Variants in GRM1 observed in about 807,000 individuals in gnomAD.
The protein encoded by GRM1 is glutamate metabotropic receptor 1.
In GRM1, 33 loss-of-function variants were observed where a neutral mutation model predicts 90.9. That is an observed-to-expected ratio of 0.36 (90% CI 0.28 to 0.49). GRM1 has a LOEUF of 0.49. Among genes scored for constraint, GRM1 ranks in the 20% least tolerant of loss-of-function variants. The probability of loss-of-function intolerance (pLI) is 0.99; values close to 1 mark genes in which losing one functional copy is unlikely to be tolerated. For missense variants in GRM1, 1,190 were observed against 1,534.3 expected, an observed-to-expected ratio of 0.78 and a Z score of 3.75; for synonymous variants, 700 against 613.2, an observed-to-expected ratio of 1.14 and a Z score of -2.09.
rs1331092844 is a variant in GRM1 at position 146,434,426 on chromosome 6, C to T, written c.3215C>T (p.Pro1072Leu). 2 of 1,613,710 alleles carry T rather than the reference C, an allele frequency of 1.2e-6. No individual in the cohort carries two copies. Among genetic ancestry groups the T allele is most frequent in the Admixed American group, 1.7e-5 (1 of 60,024 alleles). ...TCCCTGTACCCGCCCCCGCCACCTCCGCAGCACCTGCAGATGCTGCCGCTG... is the reference window on the plus strand; with the variant it reads ...TCCCTGTACCCGCCCCCGCCACCTCTGCAGCACCTGCAGATGCTGCCGCTG... ...LRSLYPPPPP[P>L]QHLQMLPLQL... Residue 1072 changes from proline to leucine, a missense_variant, in exon 8 of 8, where the codon CCG (proline) becomes CTG (leucine). Transcript: ENST00000282753.
At position 146,304,479 on chromosome 6, in the gene GRM1, T is replaced by TTGATGGGTAGTAA. The variant is rs1441901359; in HGVS notation, c.951-129_951-117dup. ...TTTCTACTCTCTACCAAAAAAAAAGTTGATGGGTAGTAATGCTGGCTTAAA... is the reference window on the plus strand; with the variant it reads ...TTTCTACTCTCTACCAAAAAAAAAGTTGATGGGTAGTAATGATGGGTAGTAATGCTGGCTTAAA... On this transcript the variant is annotated intron_variant, in intron 2 of 7. Transcript: ENST00000282753. 3.4e-5 allele frequency: 25 copies of TTGATGGGTAGTAA among 725,400 alleles called. 1 individual carries two copies. Among genetic ancestry groups the TTGATGGGTAGTAA allele is most frequent in the Non-Finnish European group, 5.5e-5 (22 of 402,322 alleles). The allele number at this position is 725,400 out of a possible 1,614,324, so 44.9% of individuals were successfully genotyped here. A position where few individuals can be genotyped will look rare whatever the true frequency, so the allele number is the denominator to read the frequency against.
At chr6:146,109,091 A>AT (rs1201507746) in intron 1 of GRM1, among the ~76,000 whole-genome samples, 1 of 152,198 alleles carries the variant, frequency 6.6e-6, no homozygotes, top group Non-Finnish European at 1.5e-5. Context: ...AGAAAATTCC[A>AT]TTTTCTGAGG....
At chr6:146,268,663 A>G (rs1329758560) in intron 2 of GRM1, among the ~76,000 whole-genome samples, 1 of 152,202 alleles carries the variant, frequency 6.6e-6, no homozygotes, top group African/African-American at 2.4e-5. Flanking sequence ...ACCTCCTACA[A>G]TAGAACTTTT....
chr6:146,357,284 G>A (rs890272219), intron 4 of GRM1, among the ~76,000 whole-genome samples: 2 of 152,190 alleles, frequency 1.3e-5, no homozygotes, highest in African/African-American at 2.4e-5. Context: ...GATAAGCAGA[G>A]AGAAAAGTAC....
At chr6:146,262,240 A>G (rs1781721060) in intron 2 of GRM1, among the ~76,000 whole-genome samples, 1 of 152,074 alleles carries the variant, frequency 6.6e-6, no homozygotes, top group Admixed American at 6.6e-5. Context: ...ATGTGGAAGA[A>G]AGGTTAAAAA....
intron 2 of GRM1, among the ~76,000 whole-genome samples, chr6:146,250,271 T>C (rs764557527): frequency 6.6e-6 from 1 of 152,062 alleles, no homozygotes; most frequent in Non-Finnish European, 1.5e-5. Context: ...GGGCCAGGGG[T>C]AGAATAGTAT....
In GRM1 at chr6:146,029,602, C is replaced by G; in HGVS notation, c.85C>G (p.Leu29Val). 1 of 1,614,054 alleles carries G rather than the reference C, an allele frequency of 6.2e-7. No homozygotes were observed. ...LPRSPGRKVLLAGASSQRSVA... is the reference protein window; with the variant it reads ...LPRSPGRKVLVAGASSQRSVA... ...CAGAAGCCCCGGCAGGAAAGTGTTG[C>G]TGGCAGGAGCGTCGTCTCAGCGCTC... is the stretch of plus-strand genomic sequence containing the variant. Residue 29 changes from leucine (L) to valine (V), a missense_variant, in exon 1 of 8, where the codon CTG becomes GTG. Physicochemically the swap from Leu to Val is conservative, Grantham distance 32. Transcript: ENST00000282753.
In GRM1 at chr6:146,029,951, A is replaced by T. The variant is rs753758791; in HGVS notation, c.434A>T (p.Gln145Leu). 9 of 1,614,076 alleles carry T rather than the reference A, an allele frequency of 5.6e-6. No individual in the cohort carries two copies. The highest frequency in any genetic ancestry group is 6.8e-6 in the Non-Finnish European group (8 of 1,179,974). Residue 145 changes from glutamine to leucine, a missense_variant, in exon 1 of 8, where the codon CAG becomes CTG. Gln to Leu is a moderately radical substitution (Grantham distance 113, BLOSUM62 -2). Around this residue, in one of 10 missense-constraint regions of GRM1, gnomAD observed 91 missense variants for 95.6 expected, o/e 0.95. Coordinates refer to ENST00000282753, the MANE Select transcript of GRM1 (RefSeq NM_001278064.2). The stretch of plus-strand genomic sequence containing the variant: ...ATCAACCGGTGTCTGCCTGACGGCC[A>T]GTCCCTCCCCCCAGGCAGGACTAAG... ...DGINRCLPDG[Q>L]SLPPGRTKKP...
intron 1 of GRM1, among the ~76,000 whole-genome samples, chr6:146,130,642 C>T (rs979280637): frequency 6.6e-6 from 1 of 151,716 alleles, no homozygotes; most frequent in African/African-American, 2.4e-5. Flanking sequence ...GGTAAAACTC[C>T]AGAGAATCTT....
chr6:146,128,511 A>G (rs956024156), intron 1 of GRM1, among the ~76,000 whole-genome samples: 1 of 152,094 alleles, frequency 6.6e-6, no homozygotes, highest in African/African-American at 2.4e-5. Context: ...TGTGGAGTTG[A>G]GATTTGAACC....
intron 2 of GRM1, among the ~76,000 whole-genome samples, chr6:146,191,292 C>T (rs2114582223): frequency 6.6e-6 from 1 of 152,256 alleles, no homozygotes; most frequent in Non-Finnish European, 1.5e-5. Flanking sequence ...TTGTGGGTTC[C>T]TTGAGGGCAA....
chr6:146,368,002 G>T (rs567712650), intron 5 of GRM1, among the ~76,000 whole-genome samples: 6 of 151,984 alleles, frequency 3.9e-5, no homozygotes, highest in African/African-American at 7.2e-5. Context: ...CGTGAACATG[G>T]AATATCTTTT....
intron 5 of GRM1, among the ~76,000 whole-genome samples, chr6:146,362,208 AG>A (rs1222849909): frequency 6.6e-6 from 1 of 152,228 alleles, no homozygotes; most frequent in African/African-American, 2.4e-5. Context: ...ATCATCACCC[AG>A]CCAATCATGA....
chr6:146,040,014 G>C (rs1791038262), intron 1 of GRM1, among the ~76,000 whole-genome samples: 1 of 151,920 alleles, frequency 6.6e-6, no homozygotes. Context: ...GAAAATATCT[G>C]GTTAAAACCA....
At chr6:146,358,032 A>G (rs1785656002) in intron 5 of GRM1, among the ~76,000 whole-genome samples, 1 of 152,254 alleles carries the variant, frequency 6.6e-6, no homozygotes, top group Non-Finnish European at 1.5e-5. Flanking sequence ...GCTTAGTCAT[A>G]GTTCTAGCTA....
intron 2 of GRM1, among the ~76,000 whole-genome samples, chr6:146,187,277 A>C (rs1299826154): frequency 6.6e-6 from 1 of 152,178 alleles, no homozygotes; most frequent in African/African-American, 2.4e-5. Context: ...ATATAACCAT[A>C]TAATATCTGC....
Position 146,256,511 on chromosome 6 carries a change from G to A in GRM1, c.951-48100G>A, listed in dbSNP as rs578183749. 4.6e-5 allele frequency among the ~76,000 whole-genome samples: 7 copies of A among 152,060 alleles called. No homozygotes were observed. The South Asian group carries it at 1.3e-3, about 27-fold the overall frequency. On this transcript the variant is annotated intron_variant, in intron 2 of 7. Coordinates refer to ENST00000282753, the MANE Select transcript of GRM1 (RefSeq NM_001278064.2). ...TTCTCCACTCTCCTCCTTTATGCCC[G>A]AAATTTTGTAGAGGACACTGTGTAT... is the stretch of plus-strand genomic sequence containing the variant.
intron 1 of GRM1, among the ~76,000 whole-genome samples, chr6:146,129,882 C>T (rs1329205067): frequency 6.6e-6 from 1 of 151,988 alleles, no homozygotes; most frequent in East Asian, 1.9e-4. Context: ...ACTCCTAAGG[C>T]TAGAGTCATA....
At chr6:146,299,676 T>C (rs146618472) in intron 2 of GRM1, among the ~76,000 whole-genome samples, 1 of 152,338 alleles carries the variant, frequency 6.6e-6, no homozygotes, top group Non-Finnish European at 1.5e-5. Context: ...GTAATTTCAT[T>C]AAATAAATGG....
Sources: allele counts gnomAD v4.1 joint callset (sites outside exome capture counted in the v4.1 genomes callset), GRCh38; gene constraint gnomAD v4.1.1; regional missense constraint gnomAD v4.1.1; transcripts MANE v1.5; gene names NCBI Gene and HGNC (gene_info 2026-07-23, HGNC 2026-07-21).